PGCKA1: variants seen among roughly 807,000 people sequenced by gnomAD.
The protein encoded by PGCKA1 is PDCD10 and GCKIII kinases-associated protein 1.
the PGCKA1 span, among the ~76,000 whole-genome samples, chr4:37,525,159 C>T: frequency 6.6e-6 from 1 of 152,090 alleles, no homozygotes; most frequent in East Asian, 1.9e-4. Flanking sequence ...AGGAGGAGAA[C>T]TGAAAATGAA....
the PGCKA1 span, among the ~76,000 whole-genome samples, chr4:37,495,499 G>A: frequency 6.6e-6 from 1 of 152,120 alleles, no homozygotes; most frequent in Non-Finnish European, 1.5e-5. Flanking sequence ...AAAAAATATA[G>A]CACATATACA....
At chr4:37,565,391 G>A in the PGCKA1 span, among the ~76,000 whole-genome samples, 1 of 152,150 alleles carries the variant, frequency 6.6e-6, no homozygotes, top group Non-Finnish European at 1.5e-5. Context: ...CTCTGAGATT[G>A]GCTCACAACA....
At chr4:37,566,482 T>C in the PGCKA1 span, among the ~76,000 whole-genome samples, 1 of 152,140 alleles carries the variant, frequency 6.6e-6, no homozygotes, top group Admixed American at 6.5e-5. Context: ...GGTTTCACCA[T>C]GTTGGCCAGG....
chr4:37,566,550 G>A, the PGCKA1 span, among the ~76,000 whole-genome samples: 1 of 151,292 alleles, frequency 6.6e-6, no homozygotes, highest in Non-Finnish European at 1.5e-5. Flanking sequence ...CAAAGTGCTG[G>A]GCTTATAGGC....
the PGCKA1 span, among the ~76,000 whole-genome samples, chr4:37,506,099 A>T: frequency 6.6e-6 from 1 of 152,146 alleles, no homozygotes; most frequent in African/African-American, 2.4e-5. Context: ...GCCACTAATA[A>T]TCCTTTGAAT....
At chr4:37,541,714 G>A in the PGCKA1 span, among the ~76,000 whole-genome samples, 8 of 152,320 alleles carry the variant, frequency 5.3e-5, no homozygotes, top group African/African-American at 1.9e-4. Context: ...CTTATAAGTA[G>A]TGGAGCCGAT....
At chr4:37,570,876 A>G in the PGCKA1 span, among the ~76,000 whole-genome samples, 1 of 152,164 alleles carries the variant, frequency 6.6e-6, no homozygotes, top group East Asian at 1.9e-4. Flanking sequence ...CCAAGATGGG[A>G]AGGGGGAACA....
At chr4:37,512,939 T>G in the PGCKA1 span, among the ~76,000 whole-genome samples, 1 of 151,786 alleles carries the variant, frequency 6.6e-6, no homozygotes, top group South Asian at 2.1e-4. Flanking sequence ...AAATACAAAA[T>G]CAGCTGGGCG....
At chr4:37,512,555 C>G in the PGCKA1 span, among the ~76,000 whole-genome samples, 2 of 149,818 alleles carry the variant, frequency 1.3e-5, no homozygotes, top group African/African-American at 5.0e-5. Flanking sequence ...CTCCTGGGTT[C>G]AAGCAATTCT....
chr4:37,530,792 C>A, the PGCKA1 span, among the ~76,000 whole-genome samples: 2 of 151,932 alleles, frequency 1.3e-5, no homozygotes, highest in African/African-American at 4.8e-5. Context: ...GCCTGGCCAA[C>A]GTGATGAAGC....
At chr4:37,560,661 A>G in the PGCKA1 span, among the ~76,000 whole-genome samples, 69,099 of 151,746 alleles carry the variant, frequency 0.46, 16,571 homozygotes, top group South Asian at 0.54. Flanking sequence ...CAAGAAACTC[A>G]CAGCTTACAG....
At chr4:37,571,930 C>G in the PGCKA1 span, among the ~76,000 whole-genome samples, 15 of 151,888 alleles carry the variant, frequency 9.9e-5, no homozygotes, top group Admixed American at 9.8e-4. Flanking sequence ...CCACACACAG[C>G]CATATAGGGA....
chr4:37,568,651 C>T, the PGCKA1 span, among the ~76,000 whole-genome samples: 2 of 152,298 alleles, frequency 1.3e-5, no homozygotes, highest in South Asian at 2.1e-4. Context: ...ACCCAGAGGG[C>T]AGTATTGCGA....
the PGCKA1 span, among the ~76,000 whole-genome samples, chr4:37,535,651 C>T: frequency 2.0e-5 from 3 of 152,188 alleles, no homozygotes; most frequent in East Asian, 1.9e-4. Flanking sequence ...ATTCCACATT[C>T]GTAAAGAACT....
chr4:37,590,264 C>T, the PGCKA1 span: 3 of 1,614,064 alleles, frequency 1.9e-6, no homozygotes, highest in East Asian at 2.2e-5. Context: ...AGCAGCAGGA[C>T]AGCTGATCCA....
At chr4:37,508,796 C>T in the PGCKA1 span, among the ~76,000 whole-genome samples, 1 of 149,716 alleles carries the variant, frequency 6.7e-6, no homozygotes, top group Admixed American at 6.7e-5. Context: ...GAACAAGGGT[C>T]TCTGGTTTTC....
At chr4:37,527,144 A>C in the PGCKA1 span, among the ~76,000 whole-genome samples, 1 of 152,134 alleles carries the variant, frequency 6.6e-6, no homozygotes, top group Non-Finnish European at 1.5e-5. Flanking sequence ...ATAAGACTAT[A>C]AAGAAAGAAA....
chr4:37,541,503 G>C, the PGCKA1 span, among the ~76,000 whole-genome samples: 1 of 152,140 alleles, frequency 6.6e-6, no homozygotes, highest in Non-Finnish European at 1.5e-5. Flanking sequence ...TGCCCTCTCC[G>C]CCCTCTACCA....
the PGCKA1 span, among the ~76,000 whole-genome samples, chr4:37,472,039 C>G: frequency 6.6e-6 from 1 of 152,134 alleles, no homozygotes; most frequent in Admixed American, 6.5e-5. Context: ...TCCAGTGGCT[C>G]CGTCTGGGCT....
Sources: gnomAD v4.1 joint callset for allele counts (sites outside exome capture counted in the v4.1 genomes callset) on GRCh38, gnomAD v4.1.1 for gene constraint, MANE v1.5 for transcripts, NCBI Gene and HGNC (gene_info 2026-07-23, HGNC 2026-07-21) for gene names.